TRMT11: variants seen among roughly 807,000 people sequenced by gnomAD.
TRMT11 encodes the protein tRNA (guanine(10)-N(2))-methyltransferase TRMT11.
A neutral mutation model predicts 62.8 loss-of-function variants in TRMT11; 53 were observed. The ratio of observed to expected loss-of-function variants is 0.84; its 90% confidence interval spans 0.68 to 1.06. The LOEUF is 1.06. Ranked by LOEUF, TRMT11 falls within the 50% of genes least tolerant of loss-of-function variation. The pLI is 0.00. For missense variants in TRMT11, 556 were observed against 553.4 expected, an observed-to-expected ratio of 1.00 and a Z score of -0.05; for synonymous variants, 188 against 190.3, an observed-to-expected ratio of 0.99 and a Z score of 0.10.
chr6:126,185,674 CTTTTT>C (rs1778518677), intron 1 of TRMT11, among the ~76,000 whole-genome samples: 1 of 151,958 alleles, frequency 6.6e-6, no homozygotes, highest in African/African-American at 2.4e-5. Flanking sequence ...TTAGTTAGCC[CTTTTT>C]ATTAGTCTGT....
the TRMT11 span, among the ~76,000 whole-genome samples, chr6:126,269,659 C>T: frequency 4.0e-4 from 61 of 152,222 alleles, no homozygotes; most frequent in African/African-American, 1.5e-3. Flanking sequence ...AATGTCTAAA[C>T]ACAGGAAATT....
chr6:126,117,983 C>T (rs1053106548), intron 21 of TRMT11, among the ~76,000 whole-genome samples: 6 of 152,058 alleles, frequency 3.9e-5, no homozygotes, highest in Admixed American at 1.3e-4. Context: ...TCCTCCAACT[C>T]GTCTGTTCAG....
chr6:126,243,558 G>A, the TRMT11 span, among the ~76,000 whole-genome samples: 102 of 152,222 alleles, frequency 6.7e-4, 1 homozygote, highest in African/African-American at 2.4e-3. Context: ...ATGATAGACT[G>A]GATTAAGAAA....
At chr6:125,993,445 A>G (rs7760163) in intron 1 of TRMT11, among the ~76,000 whole-genome samples, 107,102 of 152,134 alleles carry the variant, frequency 0.7, 38,222 homozygotes, top group East Asian at 0.95. Flanking sequence ...AACTTTATTC[A>G]TCAATCGTCA....
At chr6:125,997,712 T>C (rs991657066) in intron 3 of TRMT11, among the ~76,000 whole-genome samples, 1 of 152,228 alleles carries the variant, frequency 6.6e-6, no homozygotes, top group African/African-American at 2.4e-5. Flanking sequence ...TTTTACTATG[T>C]TGCCCAGGCT....
intron 12 of TRMT11, among the ~76,000 whole-genome samples, chr6:126,031,913 T>C (rs1279146414): frequency 6.6e-6 from 1 of 152,020 alleles, no homozygotes; most frequent in Non-Finnish European, 1.5e-5. Flanking sequence ...CAGGCAAAGA[T>C]GGTGAGGCTA....
intron 17 of TRMT11, among the ~76,000 whole-genome samples, chr6:126,070,810 A>G (rs961256471): frequency 6.6e-6 from 1 of 152,252 alleles, no homozygotes; most frequent in Admixed American, 6.5e-5. Flanking sequence ...TGTCAGTAGT[A>G]GTATTCACCA....
At chr6:126,110,142 C>A (rs1342669474) in intron 17 of TRMT11, among the ~76,000 whole-genome samples, 1 of 152,108 alleles carries the variant, frequency 6.6e-6, no homozygotes, top group Non-Finnish European at 1.5e-5. Flanking sequence ...AGCAACTGTG[C>A]AATCAGCAAT....
the TRMT11 span, among the ~76,000 whole-genome samples, chr6:126,251,392 T>G: frequency 6.6e-6 from 1 of 152,130 alleles, no homozygotes; most frequent in Non-Finnish European, 1.5e-5. Flanking sequence ...AAACATAAAA[T>G]TTTGATATAT....
chr6:126,058,173 T>G (rs868714320), intron 17 of TRMT11, among the ~76,000 whole-genome samples: 1 of 152,154 alleles, frequency 6.6e-6, no homozygotes, highest in African/African-American at 2.4e-5. Flanking sequence ...TTCTCATTGT[T>G]CAACTCCCAC....
At chr6:126,028,434 A>G (rs1773586156) in intron 12 of TRMT11, among the ~76,000 whole-genome samples, 1 of 152,148 alleles carries the variant, frequency 6.6e-6, no homozygotes, top group Non-Finnish European at 1.5e-5. Flanking sequence ...ATTATTTTGC[A>G]TAGCAAGTCA....
At chr6:126,007,342 T>C (rs916526842) in intron 7 of TRMT11, among the ~76,000 whole-genome samples, 16 of 151,992 alleles carry the variant, frequency 1.1e-4, no homozygotes, top group Admixed American at 6.6e-5. Flanking sequence ...CTACCCATCT[T>C]AGTTACAGAG....
chr6:126,134,030 T>G (rs910578457), intron 21 of TRMT11, among the ~76,000 whole-genome samples: 3 of 151,888 alleles, frequency 2.0e-5, no homozygotes, highest in Admixed American at 6.6e-5. Flanking sequence ...TCAATTTCAA[T>G]TAGAGAAGGT....
intron 12 of TRMT11, among the ~76,000 whole-genome samples, chr6:126,030,144 T>C (rs1333156150): frequency 1.3e-5 from 2 of 152,184 alleles, no homozygotes; most frequent in African/African-American, 4.8e-5. Flanking sequence ...CTTAATAGTA[T>C]TGGATGCCAG....
chr6:126,030,135 T>C (rs532674662), intron 12 of TRMT11, among the ~76,000 whole-genome samples: 1 of 152,224 alleles, frequency 6.6e-6, no homozygotes, highest in Non-Finnish European at 1.5e-5. Flanking sequence ...GAGGTTTCTC[T>C]TAATAGTATT....
chr6:126,137,104 G>A (rs973813607), intron 21 of TRMT11, among the ~76,000 whole-genome samples: 1 of 151,596 alleles, frequency 6.6e-6, no homozygotes, highest in Non-Finnish European at 1.5e-5. Flanking sequence ...GACTTCAAAA[G>A]CACAGGCAAC....
At chr6:126,228,929 C>T in the TRMT11 span, among the ~76,000 whole-genome samples, 1 of 152,052 alleles carries the variant, frequency 6.6e-6, no homozygotes, top group East Asian at 1.9e-4. Context: ...TGGTCTGTTT[C>T]GATATTCAAA....
the TRMT11 span, among the ~76,000 whole-genome samples, chr6:126,236,191 G>A: frequency 1.3e-5 from 2 of 152,198 alleles, no homozygotes; most frequent in Non-Finnish European, 2.9e-5. Context: ...CACATAGAAT[G>A]GAAAGACAAG....
At chr6:126,140,737 A>G (rs1777907635) in intron 21 of TRMT11, among the ~76,000 whole-genome samples, 1 of 152,102 alleles carries the variant, frequency 6.6e-6, no homozygotes, top group Non-Finnish European at 1.5e-5. Context: ...TTAGCTTTCC[A>G]CCAACAAAAC....
Sources: gnomAD v4.1 joint callset for allele counts (sites outside exome capture counted in the v4.1 genomes callset) on GRCh38, gnomAD v4.1.1 for gene constraint, MANE v1.5 for transcripts, NCBI Gene and HGNC (gene_info 2026-07-23, HGNC 2026-07-21) for gene names.